The following RBM39 variants were observed in gnomAD, a reference collection of about 807,000 sequenced individuals.
RBM39 encodes RNA binding motif protein 39.
Under a neutral mutation model 79.6 loss-of-function variants are expected in RBM39, and 12 were observed. The observed-to-expected ratio is 0.15, with a 90% CI of 0.10 to 0.24. The LOEUF (loss-of-function observed/expected upper bound fraction) is 0.24, where lower values mean the gene tolerates loss of function less well. RBM39 is among the 10% of genes least tolerant of loss of function. The pLI, the probability that RBM39 is intolerant of heterozygous loss-of-function variation, is 1.00. For synonymous variants in RBM39, 185 were observed against 208.4 expected (o/e 0.89, Z 0.97); for missense variants, 243 against 653.4 (o/e 0.37, Z 6.85).
intron 13 of RBM39, 155 bp from the exon 14 acceptor site, chr20:35,707,356 T>C (rs2146488246): frequency 2.3e-6 from 1 of 431,788 alleles, no homozygotes; most frequent in Middle Eastern, 6.2e-4. Context: ...TAATGTATGT[T>C]ATCAGTAGCT....
intron 4 of RBM39, 32 bp downstream of exon 4, chr20:35,731,909 C>T: frequency 6.2e-7 from 1 of 1,603,400 alleles, no homozygotes. Context: ...GAGAATAACC[C>T]TCAAACCAAA....
chr20:35,732,073 C>A lies in RBM39; in HGVS notation c.164G>T (p.Arg55Leu). 1 of 1,614,048 alleles carries A rather than the reference C, an allele frequency of 6.2e-7. No homozygotes were observed. The highest frequency in any genetic ancestry group is 8.5e-7 in the Non-Finnish European group (1 of 1,180,030). Residue 55 changes from arginine to leucine, a missense_variant, in exon 4 of 17, where the codon CGG (arginine) becomes CTG (leucine). Around this residue, in one of 4 missense-constraint regions of RBM39, gnomAD observed 115 missense variants for 184.1 expected, o/e 0.62. Transcript: ENST00000253363. Reference protein sequence around the residue: ...HERKRSKSKERKRSRDRERKK... With the variant: ...HERKRSKSKELKRSRDRERKK... ...CCTTTCTCTGTCTCTACTTCGCTTCCGTTCCTTACTTTTGCTTCTCTTTCG... is the reference window on the plus strand; with the variant it reads ...CCTTTCTCTGTCTCTACTTCGCTTCAGTTCCTTACTTTTGCTTCTCTTTCG...
intron 8 of RBM39, among the ~76,000 whole-genome samples, chr20:35,723,749 A>C (rs2038294950): frequency 6.6e-6 from 1 of 152,218 alleles, no homozygotes; most frequent in Admixed American, 6.5e-5. Context: ...AAATACTAAA[A>C]TATTAAATGC....
chr20:35,731,178 T>C (rs2146682566), intron 4 of RBM39, among the ~76,000 whole-genome samples: 1 of 152,322 alleles, frequency 6.6e-6, no homozygotes, highest in African/African-American at 2.4e-5. Flanking sequence ...ATTTTTAATA[T>C]ATCCCAGAGT....
At chr20:35,710,130 G>T (rs2036222923) in intron 12 of RBM39, among the ~76,000 whole-genome samples, 1 of 152,058 alleles carries the variant, frequency 6.6e-6, no homozygotes, top group Non-Finnish European at 1.5e-5. Context: ...TCTTTTTATA[G>T]AAATATATGA....
chr20:35,719,179 T>C (rs1270094179), intron 9 of RBM39, among the ~76,000 whole-genome samples: 1 of 152,030 alleles, frequency 6.6e-6, no homozygotes, highest in Non-Finnish European at 1.5e-5. Flanking sequence ...TACAGGCATA[T>C]GCCACCCAAG....
intron 3 of RBM39, among the ~76,000 whole-genome samples, chr20:35,736,943 G>A (rs796276437): frequency 1.3e-5 from 2 of 149,974 alleles, no homozygotes; most frequent in Admixed American, 1.3e-4. Context: ...GAGCCACCAC[G>A]CCAAGCCCAG....
intron 6 of RBM39, among the ~76,000 whole-genome samples, chr20:35,726,881 A>G (rs1043239531): frequency 4.6e-5 from 7 of 152,080 alleles, no homozygotes; most frequent in African/African-American, 1.7e-4. Flanking sequence ...GCTGGAGTGC[A>G]GTGGTGTGAT....
chr20:35,715,018 C>T lies in RBM39; in HGVS notation c.892-629G>A, dbSNP rs765468406. 3.0e-4 allele frequency among the ~76,000 whole-genome samples: 46 copies of T among 152,126 alleles called. 1 individual carries two copies. The highest frequency in any genetic ancestry group is 8.5e-4 in the Admixed American group (13 of 15,272). On this transcript the variant is annotated intron_variant, in intron 10 of 16. Coordinates refer to ENST00000253363, the MANE Select transcript of RBM39 (RefSeq NM_184234.3). The stretch of plus-strand genomic sequence containing the variant: ...CTCCTTTCACCAGTTCATTGACGTA[C>T]GTAACAGCCTAATGACCAGTAAGTT...
intron 3 of RBM39, 86 bp from the exon 4 acceptor site, chr20:35,732,221 A>G: frequency 8.1e-7 from 1 of 1,230,506 alleles, no homozygotes; most frequent in Admixed American, 1.9e-5. Context: ...TCATTTTTTC[A>G]TCCTTTCATA....
Position 35,705,319 on chromosome 20 carries a change from ACTT to A in RBM39, c.1316_1318del (p.Glu439del), listed in dbSNP as rs1431774139. On this transcript the variant is annotated inframe_deletion, in exon 15 of 17. Transcript: ENST00000253363. ...ATCCTTAATCTCGGTATCCCATCCAACTTCTTCTTCTCTGTAAGAAAGTATTAA... is the reference window on the plus strand; with the variant it reads ...ATCCTTAATCTCGGTATCCCATCCAACTTCTTCTCTGTAAGAAAGTATTAA... The A allele has an allele frequency of 1.2e-5, 19 of 1,580,530 alleles. No homozygotes were observed. The Admixed American group carries it at 2.4e-4, about 20-fold the overall frequency.
intron 6 of RBM39, among the ~76,000 whole-genome samples, chr20:35,727,674 A>C (rs1447223044): frequency 7.0e-6 from 1 of 142,174 alleles, no homozygotes; most frequent in Admixed American, 7.2e-5. Flanking sequence ...TTTGAGACAG[A>C]GTTTCGCTCT....
intron 8 of RBM39, 136 bp downstream of exon 8, chr20:35,724,432 TAA>T (rs74980478): frequency 0.011 from 6,675 of 600,832 alleles, no homozygotes; most frequent in South Asian, 0.018. Flanking sequence ...AACGCAAAGT[TAA>T]AAAAAAAAAA....
chr20:35,729,230 A>C (rs1263761221), intron 6 of RBM39, 82 bp downstream of exon 6: 1 of 1,257,234 alleles, frequency 8.0e-7, no homozygotes, highest in East Asian at 2.4e-5. Flanking sequence ...TATGGTCCAA[A>C]TTACTAAATA....
intron 13 of RBM39, chr20:35,708,918 T>G (rs1600390742): frequency 4.2e-6 from 1 of 238,724 alleles, no homozygotes; most frequent in Non-Finnish European, 8.2e-6. Flanking sequence ...ATTTCCTGAC[T>G]TCTATATGCA....
At chr20:35,717,005 C>T (rs1235781611) in intron 9 of RBM39, among the ~76,000 whole-genome samples, 200 bp from the exon 10 acceptor site, 3 of 151,882 alleles carry the variant, frequency 2.0e-5, no homozygotes, top group Non-Finnish European at 4.4e-5. Context: ...TTAGGCTGGG[C>T]GTGGTGGTCG....
At chr20:35,721,974 G>A in intron 8 of RBM39, 97 bp from the exon 9 acceptor site, 6 of 1,385,818 alleles carry the variant, frequency 4.3e-6, no homozygotes, top group Non-Finnish European at 5.0e-6. Context: ...AGTTTAGAGT[G>A]ATAAAAATAC....
chr20:35,738,912 G>T (rs148619397), intron 3 of RBM39, 56 bp downstream of exon 3: 34 of 1,460,744 alleles, frequency 2.3e-5, no homozygotes, highest in Admixed American at 3.4e-5. Context: ...ACAACTTAAG[G>T]TCTAAAACCA....
At chr20:35,715,047 C>G (rs1447389638) in intron 10 of RBM39, among the ~76,000 whole-genome samples, 1 of 152,200 alleles carries the variant, frequency 6.6e-6, no homozygotes, top group Non-Finnish European at 1.5e-5. Context: ...GTAAGTTAAA[C>G]AGATTTGCTA....
Sources: allele counts gnomAD v4.1 joint callset (sites outside exome capture counted in the v4.1 genomes callset), GRCh38; gene constraint gnomAD v4.1.1; regional missense constraint gnomAD v4.1.1; transcripts MANE v1.5; gene names NCBI Gene and HGNC (gene_info 2026-07-23, HGNC 2026-07-21).